Variants in TSPAN9 observed in about 807,000 individuals in gnomAD.
The protein encoded by TSPAN9 is tetraspanin 9, also known as tetraspanin-9.
In TSPAN9, 16 loss-of-function variants were observed where a neutral mutation model predicts 31.0. The ratio of observed to expected loss-of-function variants is 0.52; its 90% CI spans 0.35 to 0.78. TSPAN9 has a LOEUF of 0.78. TSPAN9 is among the 30% of genes least tolerant of loss of function. The probability of loss-of-function intolerance (pLI) is 0.01; values close to 1 mark genes in which losing one functional copy is unlikely to be tolerated. For synonymous variants in TSPAN9, 145 were observed against 121.6 expected (o/e 1.19, Z -1.27); for missense variants, 272 against 312.5 (o/e 0.87, Z 0.98).
intron 3 of TSPAN9, among the ~76,000 whole-genome samples, chr12:3,240,365 T>C (rs938783366): frequency 2.0e-5 from 3 of 152,166 alleles, no homozygotes; most frequent in Non-Finnish European, 4.4e-5. Context: ...TGGATGGTCC[T>C]TGAGGCGTGC....
intron 3 of TSPAN9, among the ~76,000 whole-genome samples, chr12:3,244,660 C>G (rs2098398490): frequency 6.6e-6 from 1 of 152,178 alleles, no homozygotes; most frequent in African/African-American, 2.4e-5. Flanking sequence ...GATGGCGATC[C>G]CCCAGCCACC....
Position 3,088,382 on chromosome 12 carries a change from G to T in TSPAN9, c.-18+4663G>T, listed in dbSNP as rs182060352. Among the ~76,000 whole-genome samples the T allele has an allele frequency of 7.3e-5, 11 of 150,614 alleles. No individual in the cohort carries two copies. The East Asian group carries it at 2.0e-3, about 27-fold the overall frequency. On this transcript the variant is annotated intron_variant, in intron 2 of 8. Transcript: ENST00000011898. ...AGGCGCTTACAGCATCACCCATGGT[G>T]TGAGTCACTCCAAATTAGCAGCCAT...
At chr12:3,185,525 G>A (rs1045927392) in intron 2 of TSPAN9, among the ~76,000 whole-genome samples, 9 of 152,190 alleles carry the variant, frequency 5.9e-5, no homozygotes, top group African/African-American at 1.9e-4. Flanking sequence ...TGTAGAGAAG[G>A]GGTGGTGGTA....
intron 2 of TSPAN9, among the ~76,000 whole-genome samples, chr12:3,102,180 G>A (rs2098312150): frequency 1.3e-5 from 2 of 151,592 alleles, no homozygotes. Flanking sequence ...CTGGACTACT[G>A]TAGTGTGATC....
chr12:3,119,459 C>T (rs142111131), intron 2 of TSPAN9, among the ~76,000 whole-genome samples: 13 of 152,318 alleles, frequency 8.5e-5, no homozygotes, highest in Non-Finnish European at 1.3e-4. Flanking sequence ...TGCTGGGACT[C>T]CCAGATCAGC....
At chr12:3,270,036 G>C (rs138279653) in intron 3 of TSPAN9, among the ~76,000 whole-genome samples, 7 of 152,178 alleles carry the variant, frequency 4.6e-5, no homozygotes, top group African/African-American at 1.4e-4. Flanking sequence ...TTGGCATCCC[G>C]GCCACACGTC....
intron 3 of TSPAN9, among the ~76,000 whole-genome samples, chr12:3,249,164 A>G (rs1591705062): frequency 6.6e-6 from 1 of 152,166 alleles, no homozygotes; most frequent in Non-Finnish European, 1.5e-5. Flanking sequence ...ACAAGGCCCC[A>G]CCACAGAAGC....
chr12:3,237,562 G>C (rs752141326), intron 3 of TSPAN9, among the ~76,000 whole-genome samples: 1 of 152,148 alleles, frequency 6.6e-6, no homozygotes, highest in Non-Finnish European at 1.5e-5. Flanking sequence ...TGTCCCACCC[G>C]AGGCAGGCTG....
chr12:3,247,828 C>T (rs983220590), intron 3 of TSPAN9, among the ~76,000 whole-genome samples: 7 of 152,188 alleles, frequency 4.6e-5, no homozygotes, highest in African/African-American at 1.7e-4. Flanking sequence ...TTTCCCACTG[C>T]TGGGCTCCCA....
chr12:3,148,888 TGAG>T (rs2098338588), intron 2 of TSPAN9, among the ~76,000 whole-genome samples: 1 of 152,016 alleles, frequency 6.6e-6, no homozygotes, highest in South Asian at 2.1e-4. Flanking sequence ...GAGGAGGGGA[TGAG>T]GAGAAGAGGG....
At position 3,187,957 on chromosome 12, in the gene TSPAN9, T is replaced by C. The variant is rs2098362288; in HGVS notation, c.-17-13220T>C. On this transcript the variant is annotated intron_variant, in intron 2 of 8. Coordinates refer to ENST00000011898, the MANE Select transcript of TSPAN9 (RefSeq NM_006675.5). This position sits in a 1 kb window ranked among gnomAD's most constrained non-coding sequence, Gnocchi z 5.2. ...TGCAGATGGAGCGTTTGCTCTGTAA[T>C]GCTAATTCTCCTTGGCAGCATCTGC... Among the ~76,000 whole-genome samples, 1 of 152,180 alleles carries C rather than the reference T, an allele frequency of 6.6e-6. No individual in the cohort carries two copies. The highest frequency in any genetic ancestry group is 2.1e-4 in the South Asian group (1 of 4,830).
chr12:3,261,926 T>G (rs1862457384), intron 3 of TSPAN9, among the ~76,000 whole-genome samples: 1 of 152,180 alleles, frequency 6.6e-6, no homozygotes, highest in South Asian at 2.1e-4. Context: ...GCATCCCCAT[T>G]TCAGGGACTT....
At chr12:3,173,793 T>C (rs1565601986) in intron 2 of TSPAN9, 1 of 152,162 alleles carries the variant, frequency 6.6e-6, no homozygotes, top group Non-Finnish European at 1.5e-5. Context: ...TGTGCCTGGC[T>C]CTGCCGTTTG....
intron 2 of TSPAN9, among the ~76,000 whole-genome samples, chr12:3,105,406 G>T: frequency 6.8e-6 from 1 of 147,272 alleles, no homozygotes; most frequent in African/African-American, 2.5e-5. Context: ...CCCTGAGGAA[G>T]TAAGGAAGAT....
At chr12:3,234,977 G>A (rs1250170750) in intron 3 of TSPAN9, among the ~76,000 whole-genome samples, 2 of 149,874 alleles carry the variant, frequency 1.3e-5, no homozygotes, top group South Asian at 2.1e-4. Context: ...TGGCTAACAC[G>A]GTGAAACCCC....
At chr12:3,223,351 A>C (rs1255147451) in intron 3 of TSPAN9, among the ~76,000 whole-genome samples, 3 of 152,160 alleles carry the variant, frequency 2.0e-5, no homozygotes, top group Admixed American at 2.0e-4. Context: ...CCCTGGGCAG[A>C]GATCGTCACG....
At chr12:3,246,957 TCTG>T (rs1411945250) in intron 3 of TSPAN9, among the ~76,000 whole-genome samples, 3 of 152,144 alleles carry the variant, frequency 2.0e-5, no homozygotes, top group African/African-American at 7.2e-5. Context: ...GGATAGATTT[TCTG>T]CAATGTGCTT....
At chr12:3,102,473 C>T (rs1591628661) in intron 2 of TSPAN9, among the ~76,000 whole-genome samples, 1 of 141,904 alleles carries the variant, frequency 7.0e-6, no homozygotes, top group Non-Finnish European at 1.5e-5. Context: ...CTTGCTCTGT[C>T]ACCTAGGCTG....
chr12:3,138,695 T>C (rs147705905), intron 2 of TSPAN9, among the ~76,000 whole-genome samples: 4 of 152,054 alleles, frequency 2.6e-5, no homozygotes, highest in African/African-American at 7.2e-5. Context: ...GGTTTCGTCA[T>C]GTTGGCCAGG....
Sources: gnomAD v4.1 joint callset for allele counts (sites outside exome capture counted in the v4.1 genomes callset) on GRCh38, gnomAD v4.1.1 for gene constraint, Gnocchi (gnomAD v3.1) non-coding constraint, MANE v1.5 for transcripts, NCBI Gene and HGNC (gene_info 2026-07-23, HGNC 2026-07-21) for gene names.